GRIP2: variants seen among roughly 807,000 people sequenced by gnomAD.
GRIP2 encodes glutamate receptor interacting protein 2.
In GRIP2, 58 loss-of-function variants were observed where a neutral mutation model predicts 108.3. The observed-to-expected ratio is 0.54, with a 90% confidence interval of 0.43 to 0.67. GRIP2 has a LOEUF of 0.67. GRIP2 is among the 30% of genes least tolerant of loss of function. GRIP2 has a pLI of 0.00. For synonymous variants in GRIP2, 586 were observed against 598.2 expected (o/e 0.98, Z 0.30); for missense variants, 1,278 against 1,430.6 (o/e 0.89, Z 1.72).
intron 21 of GRIP2, among the ~76,000 whole-genome samples, chr3:14,497,257 A>G (rs577936701): frequency 3.3e-5 from 5 of 152,322 alleles, no homozygotes; most frequent in African/African-American, 7.2e-5. Flanking sequence ...GTGAGCCATC[A>G]TGCCCAGCCC....
chr3:14,556,857 T>A (rs1007368351), upstream of GRIP2, among the ~76,000 whole-genome samples: 6 of 152,216 alleles, frequency 3.9e-5, no homozygotes, highest in African/African-American at 1.2e-4. Flanking sequence ...GTGACTTGCT[T>A]ATGGTCACAG....
At chr3:14,601,484 G>A in the GRIP2 span, among the ~76,000 whole-genome samples, 6 of 152,286 alleles carry the variant, frequency 3.9e-5, no homozygotes, top group East Asian at 3.9e-4. Flanking sequence ...AGGAAACCTA[G>A]GCACCCTCTC....
chr3:14,511,605 C>G lies in GRIP2; in HGVS notation c.1721-126G>C. ...ACTCACATCCTGGTCCCACTGCTTC[C>G]TGGCTGGGTGACCGTGAGCAAATCA... On this transcript the variant is annotated intron_variant, in intron 14 of 23. Transcript: ENST00000621039. This position sits in a 1 kb window ranked among gnomAD's most constrained non-coding sequence, Gnocchi z 4.1. 1 of 881,820 alleles carries G rather than the reference C, an allele frequency of 1.1e-6. No individual in the cohort carries two copies. Among genetic ancestry groups the G allele is most frequent in the South Asian group, 1.5e-5 (1 of 64,704 alleles). 54.6% of individuals were successfully genotyped at this position (881,820 alleles called of 1,614,324 possible).
chr3:14,504,189 G>C (rs1181509084), intron 20 of GRIP2, among the ~76,000 whole-genome samples: 1 of 152,118 alleles, frequency 6.6e-6, no homozygotes, highest in Non-Finnish European at 1.5e-5. Flanking sequence ...GTTATCATCA[G>C]TTCCAACACT....
the GRIP2 span, among the ~76,000 whole-genome samples, chr3:14,592,834 CCT>C: frequency 3.9e-5 from 6 of 152,176 alleles, no homozygotes; most frequent in African/African-American, 1.2e-4. Context: ...CCAGGATCCT[CCT>C]CCCAGAGCAA....
the GRIP2 span, among the ~76,000 whole-genome samples, chr3:14,577,564 G>C: frequency 3.4e-4 from 52 of 152,294 alleles, no homozygotes; most frequent in East Asian, 2.9e-3. Flanking sequence ...AACCTGGAAG[G>C]TCCTTTCCTT....
the GRIP2 span, among the ~76,000 whole-genome samples, chr3:14,563,561 G>T: frequency 6.6e-6 from 1 of 152,044 alleles, no homozygotes; most frequent in African/African-American, 2.4e-5. Flanking sequence ...TGAGGATCTG[G>T]CTTTTCCTCT....
At chr3:14,533,026 A>C (rs1370064985) in intron 1 of GRIP2, among the ~76,000 whole-genome samples, 1 of 152,244 alleles carries the variant, frequency 6.6e-6, no homozygotes, top group Non-Finnish European at 1.5e-5. Flanking sequence ...ATCAAATAGC[A>C]GTTAAGCCAG....
chr3:14,525,213 G>A (rs1239997289), intron 3 of GRIP2, among the ~76,000 whole-genome samples: 2 of 152,174 alleles, frequency 1.3e-5, no homozygotes, highest in Non-Finnish European at 2.9e-5. Flanking sequence ...TGACTGTGGG[G>A]TGCTATGGCC....
chr3:14,549,797 A>G (rs1207088259), intron 1 of GRIP2, among the ~76,000 whole-genome samples: 1 of 152,212 alleles, frequency 6.6e-6, no homozygotes, highest in Non-Finnish European at 1.5e-5. Flanking sequence ...TGGAGCCCAG[A>G]GACAGCTCAG....
the GRIP2 span, among the ~76,000 whole-genome samples, chr3:14,590,735 CAA>C: frequency 6.6e-6 from 1 of 152,172 alleles, no homozygotes; most frequent in Non-Finnish European, 1.5e-5. Context: ...CAAGTGAGTT[CAA>C]AGTCTCAAAT....
At chr3:14,519,440 T>C (rs1279268868) in intron 9 of GRIP2, among the ~76,000 whole-genome samples, 1 of 152,200 alleles carries the variant, frequency 6.6e-6, no homozygotes, top group Non-Finnish European at 1.5e-5. Context: ...CTCCCTCCTT[T>C]TTACAGATGA....
chr3:14,522,981 T>A lies in GRIP2; in HGVS notation c.566+19A>T. On this transcript the variant is annotated intron_variant, in intron 6 of 23. Transcript: ENST00000621039. The surrounding 1 kb of genome is among the most constrained non-coding windows in gnomAD (Gnocchi z 4.3). ...GGGCAGGTCAGTGCAGTGTGTGGATTTCTTCTGCCTCGGCTCACCTGTCGG... is the reference window on the plus strand; with the variant it reads ...GGGCAGGTCAGTGCAGTGTGTGGATATCTTCTGCCTCGGCTCACCTGTCGG... 6.2e-7 allele frequency: 1 copy of A among 1,611,868 alleles called. No individual in the cohort carries two copies. Among genetic ancestry groups the A allele is most frequent in the Non-Finnish European group, 8.5e-7 (1 of 1,178,148 alleles).
intron 21 of GRIP2, among the ~76,000 whole-genome samples, chr3:14,498,487 C>A (rs993735831): frequency 1.3e-5 from 2 of 152,072 alleles, no homozygotes; most frequent in East Asian, 1.9e-4. Context: ...TGTTTTAGGG[C>A]CAAACTGTTG....
At chr3:14,516,188 T>G (rs141834681) in intron 11 of GRIP2, among the ~76,000 whole-genome samples, 158 of 152,288 alleles carry the variant, frequency 1.0e-3, no homozygotes, top group Non-Finnish European at 2.0e-3. Flanking sequence ...AGGTGGTTAG[T>G]AGAGATATAT....
chr3:14,523,386 TCAC>T, intron 5 of GRIP2: 1 of 583,346 alleles, frequency 1.7e-6, no homozygotes, highest in Non-Finnish European at 3.0e-6. Flanking sequence ...GTAGCAGCTT[TCAC>T]CATCATTTTC....
the GRIP2 span, among the ~76,000 whole-genome samples, chr3:14,601,091 C>CACAT: frequency 6.6e-6 from 1 of 151,330 alleles, no homozygotes; most frequent in African/African-American, 2.4e-5. Flanking sequence ...CACACACACA[C>CACAT]GAACACACAC....
the GRIP2 span, among the ~76,000 whole-genome samples, chr3:14,581,585 T>C: frequency 6.6e-6 from 1 of 152,242 alleles, no homozygotes; most frequent in Non-Finnish European, 1.5e-5. Flanking sequence ...GGACTTTTGC[T>C]GGAGCCATCT....
intron 17 of GRIP2, among the ~76,000 whole-genome samples, chr3:14,508,387 G>A (rs1211150522): frequency 4.6e-5 from 7 of 152,236 alleles, no homozygotes; most frequent in Non-Finnish European, 1.5e-5. Flanking sequence ...GGGCAGGAAG[G>A]TGATTCTGAG....
Sources: gnomAD v4.1 joint callset for allele counts (sites outside exome capture counted in the v4.1 genomes callset) on GRCh38, gnomAD v4.1.1 for gene constraint, Gnocchi (gnomAD v3.1) non-coding constraint, MANE v1.5 for transcripts, NCBI Gene and HGNC (gene_info 2026-07-23, HGNC 2026-07-21) for gene names.